The following SBF2 variants were observed in gnomAD, a reference collection of about 807,000 sequenced individuals.
The protein encoded by SBF2 is SET binding factor 2, also known as myotubularin-related protein 13.
A neutral mutation model predicts 225.2 loss-of-function variants in SBF2; 112 were observed. That is an observed-to-expected ratio of 0.50 (90% CI 0.43 to 0.58). The LOEUF (loss-of-function observed/expected upper bound fraction) is 0.58. SBF2 is among the 20% of genes least tolerant of loss of function. The pLI is 0.00. For synonymous variants in SBF2, 763 were observed against 773.3 expected (o/e 0.99, Z 0.22); for missense variants, 1,996 against 2,206.2 (o/e 0.90, Z 1.91).
intron 28 of SBF2, among the ~76,000 whole-genome samples, chr11:9,820,057 T>A (rs1347687534): frequency 6.6e-6 from 1 of 152,186 alleles, no homozygotes; most frequent in Non-Finnish European, 1.5e-5. Context: ...TTGAGTAATA[T>A]ATTTTTTTCC....
chr11:9,876,785 G>A (rs768820013), intron 17 of SBF2, among the ~76,000 whole-genome samples: 7 of 152,106 alleles, frequency 4.6e-5, no homozygotes, highest in Non-Finnish European at 8.8e-5. Context: ...TGTTACCCAG[G>A]CTAGAGTGCA....
Position 9,829,487 on chromosome 11 carries a change from G to A in SBF2, c.3662C>T (p.Ser1221Phe), listed in dbSNP as rs1455810137. The A allele has an allele frequency of 6.2e-7, 1 of 1,611,102 alleles. No individual in the cohort carries two copies. Among genetic ancestry groups the A allele is most frequent in the Non-Finnish European group, 8.5e-7 (1 of 1,177,396 alleles). Residue 1221 changes from serine to phenylalanine, a missense_variant, in exon 28 of 40, where the codon TCC (serine) becomes TTC (phenylalanine). Ser to Phe is a radical substitution (Grantham distance 155). Coordinates refer to ENST00000256190, the MANE Select transcript of SBF2 (RefSeq NM_030962.4). ...SQNSPQAAPTSSLESSSSIEQ... is the reference protein window; with the variant it reads ...SQNSPQAAPTFSLESSSSIEQ... ...TATGCTACTGGAAGATTCTAAAGAG[G>A]AGGTAGGAGCTATAAAAGGAAAATA...
At chr11:10,131,747 G>A (rs1200293600) in intron 2 of SBF2, among the ~76,000 whole-genome samples, 5 of 151,986 alleles carry the variant, frequency 3.3e-5, no homozygotes, top group African/African-American at 9.7e-5. Flanking sequence ...GGCCAAGAGA[G>A]TTCTTTATCT....
At chr11:10,059,382 C>T (rs751265838) in intron 2 of SBF2, among the ~76,000 whole-genome samples, 1 of 151,836 alleles carries the variant, frequency 6.6e-6, no homozygotes, top group Non-Finnish European at 1.5e-5. Flanking sequence ...GAAAAAGTTT[C>T]AAACCAACAA....
intron 16 of SBF2, among the ~76,000 whole-genome samples, chr11:9,948,155 A>C (rs1421517263): frequency 2.0e-5 from 3 of 151,730 alleles, no homozygotes; most frequent in African/African-American, 7.3e-5. Flanking sequence ...TTAAATCAGC[A>C]AGTCACAAAA....
intron 23 of SBF2, among the ~76,000 whole-genome samples, chr11:9,846,731 A>T (rs1564909468): frequency 6.6e-6 from 1 of 152,186 alleles, no homozygotes; most frequent in East Asian, 1.9e-4. Context: ...AAGATCACTC[A>T]TTATTGAGTA....
At chr11:10,021,027 G>A (rs1227549887) in intron 6 of SBF2, among the ~76,000 whole-genome samples, 2 of 152,182 alleles carry the variant, frequency 1.3e-5, no homozygotes, top group Non-Finnish European at 2.9e-5. Flanking sequence ...AAGAAAGCAT[G>A]CATAGAAAAA....
chr11:10,183,254 T>A (rs977511065), intron 2 of SBF2, among the ~76,000 whole-genome samples: 1 of 152,110 alleles, frequency 6.6e-6, no homozygotes, highest in Non-Finnish European at 1.5e-5. Flanking sequence ...GCGTCCCACA[T>A]CCTCTCATTT....
intron 2 of SBF2, among the ~76,000 whole-genome samples, chr11:10,146,882 C>A (rs572037497): frequency 6.6e-6 from 1 of 151,724 alleles, no homozygotes; most frequent in East Asian, 1.9e-4. Context: ...AAAAATAACC[C>A]CATTAAAAAG....
intron 2 of SBF2, among the ~76,000 whole-genome samples, chr11:10,191,325 G>C (rs1403429099): frequency 6.6e-6 from 1 of 152,050 alleles, no homozygotes; most frequent in East Asian, 1.9e-4. Context: ...AATTATTCAA[G>C]CTATTGTTGT....
At chr11:10,236,501 C>G (rs1404612023) in intron 1 of SBF2, among the ~76,000 whole-genome samples, 1 of 152,212 alleles carries the variant, frequency 6.6e-6, no homozygotes, top group East Asian at 1.9e-4. Flanking sequence ...ACTCTGTTAC[C>G]CAGGCTGGAG....
chr11:10,132,822 G>T (rs1954131945), intron 2 of SBF2, among the ~76,000 whole-genome samples: 1 of 148,924 alleles, frequency 6.7e-6, no homozygotes, highest in Non-Finnish European at 1.5e-5. Flanking sequence ...GGCCTGTTTT[G>T]TCAGGGCGCT....
intron 1 of SBF2, among the ~76,000 whole-genome samples, chr11:10,199,033 C>T (rs1291701697): frequency 1.3e-5 from 2 of 152,186 alleles, no homozygotes; most frequent in East Asian, 3.9e-4. Flanking sequence ...GTACAAGAGG[C>T]CCAGCTTTTG....
intron 13 of SBF2, among the ~76,000 whole-genome samples, chr11:9,980,943 G>T (rs1373912260): frequency 1.3e-5 from 2 of 152,238 alleles, no homozygotes; most frequent in East Asian, 3.9e-4. Flanking sequence ...TGAAACCTCT[G>T]AACTTTACTT....
chr11:10,152,141 T>C (rs1955228764), intron 2 of SBF2, among the ~76,000 whole-genome samples: 3 of 152,234 alleles, frequency 2.0e-5, no homozygotes, highest in Non-Finnish European at 4.4e-5. Context: ...GACATCCTTA[T>C]AGAATCTATG....
rs185422165 is a variant in SBF2, at chr11:9,926,694, A to C, written c.1861-30683T>G. 2.4e-4 allele frequency among the ~76,000 whole-genome samples: 36 copies of C among 152,292 alleles called. No homozygotes were observed. The East Asian group carries it at 6.4e-3, about 27-fold the overall frequency. ...AAAAGGGAAATGAGAAAGTATTTAAAAATGAATAAAAATGAAGACATATTA... is the reference window on the plus strand; with the variant it reads ...AAAAGGGAAATGAGAAAGTATTTAACAATGAATAAAAATGAAGACATATTA... On this transcript the variant is annotated intron_variant, in intron 16 of 39. Transcript: ENST00000256190.
intron 17 of SBF2, among the ~76,000 whole-genome samples, chr11:9,875,928 TA>T (rs1188403546): frequency 6.6e-6 from 1 of 151,412 alleles, no homozygotes; most frequent in Non-Finnish European, 1.5e-5. Context: ...TTATTAAGTG[TA>T]AACTCACTGA....
chr11:9,937,077 T>C (rs895966697), intron 16 of SBF2, among the ~76,000 whole-genome samples: 1 of 152,114 alleles, frequency 6.6e-6, no homozygotes, highest in Non-Finnish European at 1.5e-5. Flanking sequence ...AACATCTGAA[T>C]AGTATAAATC....
At chr11:10,300,598 A>G (rs915060752) in intron 1 of SBF2, among the ~76,000 whole-genome samples, 1 of 152,010 alleles carries the variant, frequency 6.6e-6, no homozygotes, top group Non-Finnish European at 1.5e-5. Context: ...CCCTATCTGG[A>G]GACAAGTAGC....
Sources: gnomAD v4.1 joint callset for allele counts (sites outside exome capture counted in the v4.1 genomes callset) on GRCh38, gnomAD v4.1.1 for gene constraint, MANE v1.5 for transcripts, NCBI Gene and HGNC (gene_info 2026-07-23, HGNC 2026-07-21) for gene names.